The following ATL2 variants were observed in gnomAD, a reference collection of about 807,000 sequenced individuals.
ATL2 encodes atlastin GTPase 2, also known as atlastin-2.
In ATL2, 31 loss-of-function variants were observed where a neutral mutation model predicts 73.9. The ratio of observed to expected loss-of-function variants is 0.42; its 90% CI spans 0.32 to 0.57. The LOEUF (loss-of-function observed/expected upper bound fraction) is 0.57, where lower values mean the gene tolerates loss of function less well. ATL2 is among the 20% of genes least tolerant of loss of function. The pLI is 0.14. For missense variants in ATL2, 738 were observed against 702.6 expected (o/e 1.05, Z -0.57); for synonymous variants, 291 against 237.5 (o/e 1.23, Z -2.07).
intron 2 of ATL2, among the ~76,000 whole-genome samples, chr2:38,321,297 T>C (rs1476619351): frequency 3.3e-5 from 5 of 152,150 alleles, no homozygotes; most frequent in Non-Finnish European, 7.4e-5. Context: ...AGGCCACCAA[T>C]CCTATCAATT....
In ATL2 at chr2:38,309,486, G is replaced by A. The variant is rs1266801620; in HGVS notation, c.964C>T (p.Arg322Ter). ...AATGGAACCAGATTTCGAAGCTCTCGTTTAAAGTCTTCATCAATATCTAGA... is the reference window on the plus strand; with the variant it reads ...AATGGAACCAGATTTCGAAGCTCTCATTTAAAGTCTTCATCAATATCTAGA... Reference protein sequence around the residue: ...RLKDIDEDFKRELRNLVPLLL... With the variant: ...RLKDIDEDFK Residue 322 changes from arginine to a stop codon, truncating the protein, a stop_gained, in exon 9 of 13, where the codon CGA becomes TGA. Coordinates refer to ENST00000378954, the MANE Select transcript of ATL2 (RefSeq NM_001135673.4). LOFTEE classifies it high-confidence loss of function. The A allele has an allele frequency of 1.2e-6, 2 of 1,611,418 alleles. No individual in the cohort carries two copies. Among genetic ancestry groups the A allele is most frequent in the Non-Finnish European group, 1.7e-6 (2 of 1,179,458 alleles).
chr2:38,323,288 A>T (rs1194412556), intron 2 of ATL2, among the ~76,000 whole-genome samples: 1 of 152,082 alleles, frequency 6.6e-6, no homozygotes, highest in Non-Finnish European at 1.5e-5. Flanking sequence ...AGTAAATAGG[A>T]AAAAAAGAAG....
At chr2:38,362,466 G>A (rs944591771) in intron 1 of ATL2, among the ~76,000 whole-genome samples, 1 of 152,142 alleles carries the variant, frequency 6.6e-6, no homozygotes, top group African/African-American at 2.4e-5. Flanking sequence ...TAGAGTTTAA[G>A]AACCATCTGG....
At chr2:38,328,739 A>G (rs1224985878) in intron 2 of ATL2, among the ~76,000 whole-genome samples, 1 of 152,174 alleles carries the variant, frequency 6.6e-6, no homozygotes, top group African/African-American at 2.4e-5. Flanking sequence ...AAGATCTAAA[A>G]CCAATACTCT....
chr2:38,377,287 C>G (rs749990719), upstream of ATL2: 3 of 1,516,994 alleles, frequency 2.0e-6, no homozygotes, highest in South Asian at 3.7e-5. Context: ...ATTAACTCCC[C>G]ACTGACGTCA....
chr2:38,356,623 G>C (rs1380428329), intron 1 of ATL2, among the ~76,000 whole-genome samples: 1 of 152,138 alleles, frequency 6.6e-6, no homozygotes, highest in Non-Finnish European at 1.5e-5. Context: ...AACTGAAAAA[G>C]TAGACATGTA....
At chr2:38,312,400 C>T (rs750076244) in intron 7 of ATL2, among the ~76,000 whole-genome samples, 1 of 152,080 alleles carries the variant, frequency 6.6e-6, no homozygotes, top group Non-Finnish European at 1.5e-5. Context: ...CTCTCTCTCT[C>T]CTGCCATCTT....
At chr2:38,371,528 T>A (rs2124501385) in intron 1 of ATL2, among the ~76,000 whole-genome samples, 1 of 151,562 alleles carries the variant, frequency 6.6e-6, no homozygotes. Context: ...AACAAAATTT[T>A]TAAAAAAATT....
chr2:38,375,569 T>C (rs893639443), intron 1 of ATL2, among the ~76,000 whole-genome samples: 1 of 152,316 alleles, frequency 6.6e-6, no homozygotes, highest in East Asian at 1.9e-4. Context: ...AAATTTATGT[T>C]TCTTCTAATA....
chr2:38,311,929 G>C lies in ATL2; in HGVS notation c.804+1222C>G, dbSNP rs1667777964. ...CAAACCAGAAACAGAAAATGCTGAT[G>C]ACTGAAATTATTTCCAAAAGTGGGG... On this transcript the variant is annotated intron_variant, in intron 7 of 12. Transcript: ENST00000378954. Among the ~76,000 whole-genome samples, 2 of 152,184 alleles carry C rather than the reference G, an allele frequency of 1.3e-5. 1 individual carries two copies. The highest frequency in any genetic ancestry group is 4.1e-4 in the South Asian group (2 of 4,832).
intron 2 of ATL2, among the ~76,000 whole-genome samples, chr2:38,340,000 T>C (rs528571734): frequency 3.9e-5 from 6 of 152,032 alleles, no homozygotes; most frequent in African/African-American, 7.2e-5. Flanking sequence ...CCTCATACAG[T>C]AGAATATTAA....
intron 1 of ATL2, among the ~76,000 whole-genome samples, chr2:38,344,615 A>G (rs1669915997): frequency 6.6e-6 from 1 of 152,156 alleles, no homozygotes; most frequent in African/African-American, 2.4e-5. Context: ...GTCTCAAAAA[A>G]CAAACAAAAA....
Position 38,334,769 on chromosome 2 carries a change from A to G in ATL2, c.363+8499T>C, listed in dbSNP as rs1027263574. Among the ~76,000 whole-genome samples, 23 of 149,130 alleles carry G rather than the reference A, an allele frequency of 1.5e-4. No homozygotes were observed. The East Asian group carries it at 4.5e-3, about 29-fold the overall frequency. On this transcript the variant is annotated intron_variant, in intron 2 of 12. Transcript: ENST00000378954. ...CTCACATTGGCAAAAATAATAATAT[A>G]AAATTCAAATTATCAGCATTTTGTT...
At chr2:38,374,336 A>G (rs935156479) in intron 1 of ATL2, among the ~76,000 whole-genome samples, 4 of 150,578 alleles carry the variant, frequency 2.7e-5, no homozygotes, top group African/African-American at 1.0e-4. Context: ...TCACATCTAC[A>G]TTCCTTAAAG....
chr2:38,305,947 C>G (rs1002622304), intron 9 of ATL2, among the ~76,000 whole-genome samples: 1 of 151,808 alleles, frequency 6.6e-6, no homozygotes, highest in African/African-American at 2.4e-5. Context: ...TACAAAAGAT[C>G]AATGAAGCAA....
chr2:38,371,265 G>A (rs1285021641), intron 1 of ATL2, among the ~76,000 whole-genome samples: 3 of 151,764 alleles, frequency 2.0e-5, no homozygotes, highest in Admixed American at 6.6e-5. Context: ...CCCAACACTT[G>A]GGAGGCAGAG....
At chr2:38,298,779 T>C (rs866117451) in intron 11 of ATL2, among the ~76,000 whole-genome samples, 1 of 152,212 alleles carries the variant, frequency 6.6e-6, no homozygotes, top group Non-Finnish European at 1.5e-5. Context: ...TTTCCAAATA[T>C]GACTAACGGA....
At position 38,298,126 on chromosome 2, in the gene ATL2, CAA is replaced by C. The variant is rs750142761; in HGVS notation, c.1632+16_1632+17del. The stretch of plus-strand genomic sequence containing the variant: ...AAAATAAGATTAGTCACTAAAAAAC[CAA>C]AAGATAGATACCAACCTGTTCCCAT... On this transcript the variant is annotated intron_variant, in intron 12 of 12. Coordinates refer to ENST00000378954, the MANE Select transcript of ATL2 (RefSeq NM_001135673.4). 3.2e-6 allele frequency: 5 copies of C among 1,576,018 alleles called. No individual in the cohort carries two copies. In the African/African-American group the frequency reaches 4.1e-5, roughly 13 times the overall value.
intron 2 of ATL2, among the ~76,000 whole-genome samples, chr2:38,331,878 AAT>A (rs1227842944): frequency 2.6e-5 from 4 of 152,048 alleles, no homozygotes; most frequent in African/African-American, 7.2e-5. Context: ...ATTATATATT[AAT>A]ATGATTATAG....
Sources: allele counts gnomAD v4.1 joint callset (sites outside exome capture counted in the v4.1 genomes callset), GRCh38; gene constraint gnomAD v4.1.1; transcripts MANE v1.5; gene names NCBI Gene and HGNC (gene_info 2026-07-23, HGNC 2026-07-21).